Variants in EPB41L2 observed in about 807,000 individuals in gnomAD.
The protein encoded by EPB41L2 is erythrocyte membrane protein band 4.1 like 2, also known as band 4.1-like protein 2.
EPB41L2 carries 43 observed loss-of-function variants against 113.0 expected under a neutral mutation model. That is an observed-to-expected ratio of 0.38 (90% CI 0.30 to 0.49). EPB41L2 has a LOEUF of 0.49. EPB41L2 is among the 20% of genes least tolerant of loss of function. EPB41L2 has a pLI of 0.95. For synonymous variants in EPB41L2, 442 were observed against 436.7 expected (o/e 1.01, Z -0.15); for missense variants, 1,147 against 1,223.4 (o/e 0.94, Z 0.93).
intron 1 of EPB41L2, among the ~76,000 whole-genome samples, chr6:130,974,553 T>A (rs1009487752): frequency 1.3e-5 from 2 of 151,994 alleles, no homozygotes; most frequent in Non-Finnish European, 2.9e-5. Context: ...AAGAGAACTA[T>A]TAATAGAGTG....
chr6:130,926,504 A>G, intron 4 of EPB41L2, 101 bp downstream of exon 4: 1 of 849,218 alleles, frequency 1.2e-6, no homozygotes, highest in East Asian at 2.7e-5. Flanking sequence ...CATAATAAAC[A>G]CCTAAGTTAT....
intron 1 of EPB41L2, among the ~76,000 whole-genome samples, chr6:130,992,692 G>A (rs1057354104): frequency 4.6e-5 from 7 of 150,912 alleles, no homozygotes; most frequent in Admixed American, 1.3e-4. Flanking sequence ...ATGCAGTGGC[G>A]CCATCTCAGC....
At chr6:130,952,641 C>G (rs949819047) in intron 3 of EPB41L2, among the ~76,000 whole-genome samples, 1 of 152,086 alleles carries the variant, frequency 6.6e-6, no homozygotes, top group African/African-American at 2.4e-5. Flanking sequence ...GGAACCCCGT[C>G]TCTACTAAAA....
chr6:131,060,646 C>T (rs1038836992), intron 1 of EPB41L2, among the ~76,000 whole-genome samples: 2 of 152,170 alleles, frequency 1.3e-5, no homozygotes, highest in African/African-American at 4.8e-5. Context: ...CATTTGGAAA[C>T]CTCCAAGTGC....
At chr6:131,016,452 A>T (rs1451313060) in intron 1 of EPB41L2, among the ~76,000 whole-genome samples, 1 of 150,006 alleles carries the variant, frequency 6.7e-6, no homozygotes, top group African/African-American at 2.5e-5. Context: ...CATCCTGCAA[A>T]TATTTATTAA....
At chr6:130,933,289 AAT>A (rs1443550796) in intron 3 of EPB41L2, among the ~76,000 whole-genome samples, 2 of 152,212 alleles carry the variant, frequency 1.3e-5, no homozygotes, top group African/African-American at 4.8e-5. Flanking sequence ...CTATTCTAAT[AAT>A]ATGATATCAA....
At chr6:131,032,003 A>G (rs1005260444) in intron 1 of EPB41L2, among the ~76,000 whole-genome samples, 3 of 152,236 alleles carry the variant, frequency 2.0e-5, no homozygotes, top group African/African-American at 7.2e-5. Flanking sequence ...AAATTTCAAA[A>G]TGGCTTCAAC....
At chr6:131,019,346 C>A (rs1401873699) in intron 1 of EPB41L2, among the ~76,000 whole-genome samples, 1 of 152,166 alleles carries the variant, frequency 6.6e-6, no homozygotes. Flanking sequence ...GTTTTGCACA[C>A]AGTATATTAT....
rs148149045 is a variant in EPB41L2, at chr6:130,894,873, T to G, written c.1389+94A>C. 2.2e-5 allele frequency: 28 copies of G among 1,293,300 alleles called. No homozygotes were observed. In the Admixed American group the frequency reaches 7.7e-4, roughly 36 times the overall value. 80.1% of individuals were successfully genotyped at this position (1,293,300 alleles called of 1,614,324 possible). A position where few individuals can be genotyped will look rare whatever the true frequency, so the allele number is the denominator to read the frequency against. ...CAATGGAAGAATAAATAGTTTATTT[T>G]CTTAAAATTTTAGAATTAATAGAAA... On this transcript the variant is annotated intron_variant, in intron 9 of 19. Coordinates refer to ENST00000337057, the MANE Select transcript of EPB41L2 (RefSeq NM_001431.4).
At chr6:131,009,341 T>C (rs1786366620) in intron 1 of EPB41L2, among the ~76,000 whole-genome samples, 1 of 152,172 alleles carries the variant, frequency 6.6e-6, no homozygotes, top group Admixed American at 6.5e-5. Flanking sequence ...CATGTGGAAT[T>C]GTGAGTCAAT....
chr6:131,061,410 T>C (rs1798635054), intron 1 of EPB41L2, among the ~76,000 whole-genome samples: 1 of 152,206 alleles, frequency 6.6e-6, no homozygotes, highest in South Asian at 2.1e-4. Flanking sequence ...TTAAATTGAA[T>C]TAAAAGAATG....
At chr6:131,005,833 A>C (rs1375834411) in intron 1 of EPB41L2, among the ~76,000 whole-genome samples, 1 of 152,186 alleles carries the variant, frequency 6.6e-6, no homozygotes, top group African/African-American at 2.4e-5. Flanking sequence ...GTTTTAATGA[A>C]AACAACATTT....
At chr6:130,964,877 G>T (rs1191556325) in intron 1 of EPB41L2, among the ~76,000 whole-genome samples, 2 of 152,152 alleles carry the variant, frequency 1.3e-5, no homozygotes, top group Admixed American at 1.3e-4. Context: ...CCAATAAAGA[G>T]AAGTGCCAGA....
At chr6:130,844,615 T>C (rs1049643337) in intron 19 of EPB41L2, among the ~76,000 whole-genome samples, 4 of 152,180 alleles carry the variant, frequency 2.6e-5, no homozygotes, top group Non-Finnish European at 4.4e-5. Flanking sequence ...CACTCAGGTG[T>C]AAAATTAAAT....
intron 11 of EPB41L2, among the ~76,000 whole-genome samples, chr6:130,887,486 T>C (rs1791431399): frequency 6.6e-6 from 1 of 152,146 alleles, no homozygotes; most frequent in Non-Finnish European, 1.5e-5. Flanking sequence ...CTAGAGCATA[T>C]GGAATAAATA....
chr6:130,903,688 T>A (rs1365212318), intron 6 of EPB41L2, among the ~76,000 whole-genome samples: 5 of 147,050 alleles, frequency 3.4e-5, no homozygotes. Flanking sequence ...AAAAAAAAAA[T>A]CAACCCTTTA....
intron 18 of EPB41L2, among the ~76,000 whole-genome samples, chr6:130,861,867 A>T (rs1191414695): frequency 9.1e-6 from 1 of 109,578 alleles, no homozygotes; most frequent in Non-Finnish European, 2.1e-5. Context: ...GGGAGACTCC[A>T]TCTCCCCAAA....
At chr6:130,959,497 G>A (rs993215174) in intron 1 of EPB41L2, among the ~76,000 whole-genome samples, 14 of 152,208 alleles carry the variant, frequency 9.2e-5, no homozygotes, top group Non-Finnish European at 1.3e-4. Context: ...GAGGCAGGGA[G>A]ATCAGGAGAC....
At chr6:130,887,874 G>A (rs1485829003) in intron 11 of EPB41L2, among the ~76,000 whole-genome samples, 3 of 152,082 alleles carry the variant, frequency 2.0e-5, no homozygotes, top group African/African-American at 7.2e-5. Context: ...TCTCTTAAAT[G>A]ACTGATTTGT....
Sources: gnomAD v4.1 joint callset for allele counts (sites outside exome capture counted in the v4.1 genomes callset) on GRCh38, gnomAD v4.1.1 for gene constraint, MANE v1.5 for transcripts, NCBI Gene and HGNC (gene_info 2026-07-23, HGNC 2026-07-21) for gene names.